KIF14: variants seen among roughly 807,000 people sequenced by gnomAD.
KIF14 encodes kinesin family member 14, also known as kinesin-like protein KIF14.
A neutral mutation model predicts 176.2 loss-of-function variants in KIF14; 98 were observed. The observed-to-expected ratio is 0.56, with a 90% confidence interval of 0.47 to 0.66. The LOEUF (loss-of-function observed/expected upper bound fraction) is 0.66, where lower values mean the gene tolerates loss of function less well. KIF14 is among the 30% of genes least tolerant of loss of function. The probability of loss-of-function intolerance (pLI) is 0.00; values close to 1 mark genes in which losing one functional copy is unlikely to be tolerated. For missense variants in KIF14, 1,751 were observed against 1,920.4 expected, an observed-to-expected ratio of 0.91 and a Z score of 1.65; for synonymous variants, 566 against 632.2, an observed-to-expected ratio of 0.90 and a Z score of 1.57.
intron 11 of KIF14, among the ~76,000 whole-genome samples, chr1:200,600,856 C>A (rs1313408949): frequency 1.3e-5 from 2 of 152,034 alleles, no homozygotes; most frequent in South Asian, 2.1e-4. Context: ...GGCAGAACAG[C>A]CAAGATCAAA....
In KIF14 at chr1:200,592,231, C is replaced by T; in HGVS notation, c.2662G>A (p.Val888Met). 4 of 1,612,940 alleles carry T rather than the reference C, an allele frequency of 2.5e-6. No individual in the cohort carries two copies. The highest frequency in any genetic ancestry group is 3.4e-6 in the Non-Finnish European group (4 of 1,179,578). The stretch of plus-strand genomic sequence containing the variant: ...AAATAATGATCTCCACCAAGAATCA[C>T]TCGATCACCCTAAAGCACACAAAAA... ...EITVLRHGDR[V>M]ILGGDHYFRF... is the part of the protein sequence containing the mutation. Residue 888 changes from valine (V) to methionine (M), a missense_variant, in exon 16 of 30, where the codon GTG becomes ATG. Transcript: ENST00000367350.
rs149151686 is a variant in KIF14 at position 200,584,516 on chromosome 1, G to A, written c.3241+1585C>T. 5.6e-3 allele frequency among the ~76,000 whole-genome samples: 860 copies of A among 152,312 alleles called. 4 individuals carry two copies. Among genetic ancestry groups the A allele is most frequent in the Middle Eastern group, 0.014 (4 of 294 alleles). On this transcript the variant is annotated intron_variant, in intron 19 of 29. Coordinates refer to ENST00000367350, the MANE Select transcript of KIF14 (RefSeq NM_014875.3). ...TAAAAGGATCATACACCATGATCAA[G>A]TGGGGTTTATCACTGGGATGCAAGG...
chr1:200,557,860 C>T (rs537109100), intron 27 of KIF14, among the ~76,000 whole-genome samples: 1 of 152,282 alleles, frequency 6.6e-6, no homozygotes, highest in African/African-American at 2.4e-5. Flanking sequence ...AATGAGGAGA[C>T]ATCCTAGTAG....
At chr1:200,610,559 G>T (rs1006663436) in intron 4 of KIF14, among the ~76,000 whole-genome samples, 1 of 151,200 alleles carries the variant, frequency 6.6e-6, no homozygotes, top group African/African-American at 2.4e-5. Flanking sequence ...AAAAGTCCTT[G>T]CATTTCTTCT....
chr1:200,612,995 C>T (rs1233638922), intron 4 of KIF14, among the ~76,000 whole-genome samples: 1 of 144,944 alleles, frequency 6.9e-6, no homozygotes, highest in Non-Finnish European at 1.5e-5. Flanking sequence ...TCAAGCGATT[C>T]TCCTGCCTCA....
At chr1:200,560,479 C>T (rs1436327094) in intron 26 of KIF14, among the ~76,000 whole-genome samples, 1 of 152,110 alleles carries the variant, frequency 6.6e-6, no homozygotes, top group African/African-American at 2.4e-5. Flanking sequence ...CGCCTATTGG[C>T]CAGGCTGATC....
chr1:200,583,641 C>G (rs547704098), intron 19 of KIF14, among the ~76,000 whole-genome samples: 1 of 152,066 alleles, frequency 6.6e-6, no homozygotes, highest in African/African-American at 2.4e-5. Context: ...AAAGTGCAAT[C>G]AAAAGTCTCC....
At chr1:200,569,215 G>A (rs905712136) in intron 23 of KIF14, among the ~76,000 whole-genome samples, 1 of 152,094 alleles carries the variant, frequency 6.6e-6, no homozygotes, top group African/African-American at 2.4e-5. Flanking sequence ...GTGAGCTACT[G>A]TGCCCAGCCT....
chr1:200,618,688 G>T lies in KIF14; in HGVS notation c.36C>A (p.Ser12Arg). The change falls in exon 2 of 30, where the codon AGC becomes AGA. Residue 12 changes from serine to arginine, a missense_variant. Transcript: ENST00000367350. The stretch of plus-strand genomic sequence containing the variant: ...AAGAAGGAATATCAAGAATATCACC[G>T]CTGTTATTTCTATTATGAGTACTGT... ...SLHSTHNRNN[S>R]GDILDIPSSQ... is the part of the protein sequence containing the mutation. The T allele has an allele frequency of 1.2e-6, 2 of 1,611,044 alleles. No homozygotes were observed. The highest frequency in any genetic ancestry group is 1.1e-5 in the South Asian group (1 of 91,048).
intron 4 of KIF14, among the ~76,000 whole-genome samples, chr1:200,610,410 T>A (rs556273699): frequency 1.7e-4 from 26 of 150,206 alleles, no homozygotes; most frequent in African/African-American, 6.4e-4. Flanking sequence ...CTCAGGAGGC[T>A]GAGGCAGAAG....
intron 14 of KIF14, among the ~76,000 whole-genome samples, chr1:200,597,662 T>TA (rs11399398): frequency 0.085 from 12,922 of 152,258 alleles, 592 homozygotes; most frequent in Non-Finnish European, 0.096. Context: ...AATATGCACA[T>TA]ATTCTACAAC....
chr1:200,565,783 A>T, intron 23 of KIF14, 114 bp from the exon 24 acceptor site: 1 of 683,354 alleles, frequency 1.5e-6, no homozygotes, highest in South Asian at 2.2e-5. Context: ...GTATTACAAC[A>T]ACAAAGCATT....
rs1001104389 is a variant in KIF14 at position 200,598,494 on chromosome 1, T to C, written c.2365-73A>G. ...TGTTAAATTCACCTAAAACAAATGGTCTATATTAAACATTAAAACAATTCT... is the reference window on the plus strand; with the variant it reads ...TGTTAAATTCACCTAAAACAAATGGCCTATATTAAACATTAAAACAATTCT... On this transcript the variant is annotated intron_variant, in intron 13 of 29. Transcript: ENST00000367350. 7.4e-6 allele frequency: 8 copies of C among 1,084,126 alleles called. No individual in the cohort carries two copies. The Admixed American group carries it at 1.2e-4, about 16-fold the overall frequency. 67.2% of individuals were successfully genotyped at this position (1,084,126 alleles called of 1,614,324 possible).
intron 18 of KIF14, among the ~76,000 whole-genome samples, chr1:200,588,059 T>G (rs116597085): frequency 0.019 from 2,861 of 152,094 alleles, 38 homozygotes; most frequent in Non-Finnish European, 0.027. Context: ...GAAATAAAAT[T>G]GCCATTTGAG....
chr1:200,595,933 A>C (rs1306052224), intron 14 of KIF14, among the ~76,000 whole-genome samples: 2 of 109,914 alleles, frequency 1.8e-5, no homozygotes, highest in Non-Finnish European at 1.9e-5. Context: ...CTCCATCTCC[A>C]AAAAAAAAAA....
chr1:200,563,609 G>A (rs1013247689), intron 25 of KIF14, among the ~76,000 whole-genome samples: 2 of 151,960 alleles, frequency 1.3e-5, no homozygotes, highest in African/African-American at 4.8e-5. Flanking sequence ...TGTTGCCCAG[G>A]CTGGTCTCAA....
chr1:200,570,020 A>T lies in KIF14; in HGVS notation c.3567-15T>A. On this transcript the variant is annotated splice_polypyrimidine_tract_variant and intron_variant, in intron 22 of 29. Transcript: ENST00000367350. ...AACTCCTACTCCTGAAAAAAGACAAACCATAAGATTAGCAGTTCTATACCA... is the reference window on the plus strand; with the variant it reads ...AACTCCTACTCCTGAAAAAAGACAATCCATAAGATTAGCAGTTCTATACCA... 2.8e-6 allele frequency: 4 copies of T among 1,431,760 alleles called. No individual in the cohort carries two copies. The highest frequency in any genetic ancestry group is 3.9e-6 in the Non-Finnish European group (4 of 1,025,184). 88.7% of individuals were successfully genotyped at this position (1,431,760 alleles called of 1,614,324 possible). A position where few individuals can be genotyped will look rare whatever the true frequency, so the allele number is the denominator to read the frequency against.
chr1:200,555,839 T>C (rs1383295826), intron 27 of KIF14, among the ~76,000 whole-genome samples: 2 of 152,174 alleles, frequency 1.3e-5, no homozygotes, highest in Non-Finnish European at 2.9e-5. Context: ...CTAATTCACC[T>C]GTATTCATTA....
At chr1:200,559,492 T>TTTA in intron 26 of KIF14, 40 bp from the exon 27 acceptor site, 1 of 1,234,496 alleles carries the variant, frequency 8.1e-7, no homozygotes, top group Non-Finnish European at 1.1e-6. Context: ...AAATTTAGGT[T>TTTA]TTATGTATTT....
Sources: gnomAD v4.1 joint callset for allele counts (sites outside exome capture counted in the v4.1 genomes callset) on GRCh38, gnomAD v4.1.1 for gene constraint, MANE v1.5 for transcripts, NCBI Gene and HGNC (gene_info 2026-07-23, HGNC 2026-07-21) for gene names.